GRAP2: variants seen among roughly 807,000 people sequenced by gnomAD.
The protein encoded by GRAP2 is GRB2 related adaptor protein 2.
GRAP2 carries 31 observed loss-of-function variants against 43.5 expected under a neutral mutation model. That is an observed-to-expected ratio of 0.71 (90% CI 0.54 to 0.96). The LOEUF is 0.96. Ranked by LOEUF, GRAP2 falls within the 40% of genes least tolerant of loss-of-function variation. The pLI is 0.00. For missense variants in GRAP2, 371 were observed against 424.4 expected (o/e 0.87, Z 1.11); for synonymous variants, 156 against 164.8 (o/e 0.95, Z 0.41).
intron 1 of GRAP2, among the ~76,000 whole-genome samples, chr22:39,918,809 C>T (rs761855468): frequency 7.2e-5 from 11 of 152,154 alleles, no homozygotes; most frequent in Non-Finnish European, 1.3e-4. Flanking sequence ...ATTAACAAAA[C>T]GTTGTTTAGT....
rs549139658 is a variant in GRAP2 at position 39,943,600 on chromosome 22, G to A, written c.-14-3493G>A. Among the ~76,000 whole-genome samples, 14 of 152,230 alleles carry A rather than the reference G, an allele frequency of 9.2e-5. No homozygotes were observed. In the East Asian group the frequency reaches 2.5e-3, roughly 27 times the overall value. ...GGTGGTTTGGCTGCCCCTAGAGGCT[G>A]CAGCGTCTCACACTGTATGGGCAGG... is the stretch of plus-strand genomic sequence containing the variant. On this transcript the variant is annotated intron_variant, in intron 1 of 7. Coordinates refer to ENST00000344138, the MANE Select transcript of GRAP2 (RefSeq NM_004810.4).
rs529341747 is a variant in GRAP2, at chr22:39,971,350, G to T, written c.*266G>T. ...AGGCAGTGGGGGAGTTGGGAGGGGG[G>T]CAGGGAAATGAAATGGAGTTTTGTC... On this transcript the variant is annotated 3_prime_UTR_variant, in exon 8 of 8. Transcript: ENST00000344138. The T allele has an allele frequency of 4.4e-6, 2 of 449,560 alleles. No individual in the cohort carries two copies. Among genetic ancestry groups the T allele is most frequent in the South Asian group, 3.5e-5 (1 of 28,342 alleles). 27.8% of individuals were successfully genotyped at this position (449,560 alleles called of 1,614,324 possible). A position where few individuals can be genotyped will look rare whatever the true frequency, so the allele number is the denominator to read the frequency against.
chr22:39,952,819 T>C (rs145723193), intron 2 of GRAP2, among the ~76,000 whole-genome samples: 6 of 152,240 alleles, frequency 3.9e-5, no homozygotes, highest in African/African-American at 1.2e-4. Context: ...TGGAATTGTA[T>C]TTTTTGAAAA....
chr22:39,970,271 A>T (rs998939976), intron 7 of GRAP2, among the ~76,000 whole-genome samples: 14 of 152,230 alleles, frequency 9.2e-5, no homozygotes, highest in Admixed American at 9.2e-4. Context: ...TGTAGCGATA[A>T]GCTCTTGCTA....
intron 3 of GRAP2, among the ~76,000 whole-genome samples, chr22:39,959,219 T>C (rs1403779164): frequency 6.6e-6 from 1 of 152,232 alleles, no homozygotes; most frequent in Non-Finnish European, 1.5e-5. Context: ...AGCCACAGCT[T>C]GCCTGGCCCT....
intron 1 of GRAP2, among the ~76,000 whole-genome samples, chr22:39,930,548 T>C (rs2066746382): frequency 6.6e-6 from 1 of 152,252 alleles, no homozygotes; most frequent in Non-Finnish European, 1.5e-5. Flanking sequence ...GATCTGTCAC[T>C]GTTGTAGTTC....
chr22:39,906,807 T>G (rs1459780634), intron 1 of GRAP2, among the ~76,000 whole-genome samples: 1 of 152,230 alleles, frequency 6.6e-6, no homozygotes, highest in African/African-American at 2.4e-5. Context: ...AACAAACTGC[T>G]GAGAACTCAG....
chr22:39,923,241 C>G (rs899289581), intron 1 of GRAP2, among the ~76,000 whole-genome samples: 2 of 152,130 alleles, frequency 1.3e-5, no homozygotes, highest in African/African-American at 4.8e-5. Flanking sequence ...AAATCCATCT[C>G]TCAGAAATGC....
At chr22:39,970,177 A>G (rs1057305972) in intron 7 of GRAP2, among the ~76,000 whole-genome samples, 3 of 152,116 alleles carry the variant, frequency 2.0e-5, no homozygotes, top group Admixed American at 6.5e-5. Flanking sequence ...GTGCAGTGGC[A>G]CAATCATGGC....
intron 6 of GRAP2, 111 bp downstream of exon 6, chr22:39,968,383 G>T (rs2145682450): frequency 1.5e-6 from 2 of 1,302,694 alleles, no homozygotes; most frequent in Non-Finnish European, 2.1e-6. Context: ...GAAGACCCTG[G>T]ACCCCCCCAA....
intron 1 of GRAP2, among the ~76,000 whole-genome samples, chr22:39,921,404 A>AT (rs1199932444): frequency 1.3e-5 from 2 of 152,242 alleles, no homozygotes; most frequent in Non-Finnish European, 2.9e-5. Context: ...GCTGTGCCTG[A>AT]TTCCGAATGT....
rs958088049 is a variant in GRAP2, at chr22:39,973,127, ATGC to A, written c.*2047_*2049del. On this transcript the variant is annotated 3_prime_UTR_variant, in exon 8 of 8. Coordinates refer to ENST00000344138, the MANE Select transcript of GRAP2 (RefSeq NM_004810.4). The stretch of plus-strand genomic sequence containing the variant: ...CTATTTTGGTGCTAGGTAATGTGAA[ATGC>A]TGCAGTAAATAAAAGCCATAAGTAA... 5.9e-5 allele frequency: 9 copies of A among 152,408 alleles called. No homozygotes were observed. The highest frequency in any genetic ancestry group is 2.2e-4 in the African/African-American group (9 of 41,456). The allele number at this position is 152,408 out of a possible 1,614,324, so 9.4% of individuals were successfully genotyped here.
intron 4 of GRAP2, among the ~76,000 whole-genome samples, chr22:39,962,495 C>T (rs1299695922): frequency 3.9e-5 from 6 of 152,068 alleles, no homozygotes; most frequent in African/African-American, 2.4e-5. Flanking sequence ...ATATATTTAA[C>T]ATGCGTGTAT....
At chr22:39,909,660 G>A (rs116996173) in intron 1 of GRAP2, among the ~76,000 whole-genome samples, 1,892 of 152,194 alleles carry the variant, frequency 0.012, 11 homozygotes, top group Non-Finnish European at 0.017. Flanking sequence ...TTCCCCTAAG[G>A]AATGAACAGT....
Position 39,947,195 on chromosome 22 carries a change from TG to T in GRAP2, c.78+15del. Reference sequence around the variant, plus strand: ...GGAGATGTTTTGAAGGTAGGTGACCTGGGGCCCCAGGGGAGCAGTAGGGAGT... The same window carrying T: ...GGAGATGTTTTGAAGGTAGGTGACCTGGGCCCCAGGGGAGCAGTAGGGAGT... On this transcript the variant is annotated intron_variant, in intron 2 of 7. Coordinates refer to ENST00000344138, the MANE Select transcript of GRAP2 (RefSeq NM_004810.4). The T allele has an allele frequency of 1.4e-6, 2 of 1,474,320 alleles. No individual in the cohort carries two copies. Among genetic ancestry groups the T allele is most frequent in the Non-Finnish European group, 1.9e-6 (2 of 1,052,468 alleles). 91.3% of individuals were successfully genotyped at this position (1,474,320 alleles called of 1,614,324 possible). A position where few individuals can be genotyped will look rare whatever the true frequency, so the allele number is the denominator to read the frequency against.
intron 2 of GRAP2, among the ~76,000 whole-genome samples, chr22:39,950,576 C>T (rs1569209149): frequency 6.6e-6 from 1 of 152,256 alleles, no homozygotes; most frequent in Non-Finnish European, 1.5e-5. Context: ...CGTGTGCACA[C>T]AATGCCAGGT....
chr22:39,931,941 G>A (rs2066759353), intron 1 of GRAP2, among the ~76,000 whole-genome samples: 1 of 152,094 alleles, frequency 6.6e-6, no homozygotes, highest in African/African-American at 2.4e-5. Flanking sequence ...GAAAACAGAA[G>A]GTACAACATT....
At chr22:39,964,399 A>C (rs530685978) in intron 4 of GRAP2, 6 of 785,030 alleles carry the variant, frequency 7.6e-6, no homozygotes, top group South Asian at 5.8e-5. Context: ...AGGTGGCAAG[A>C]AGAAGGCACT....
intron 7 of GRAP2, among the ~76,000 whole-genome samples, chr22:39,969,863 G>A (rs139294837): frequency 3.0e-4 from 45 of 152,264 alleles, no homozygotes; most frequent in East Asian, 9.7e-4. Flanking sequence ...GCAGTGAGCC[G>A]AGATTGCGCC....
Sources: gnomAD v4.1 joint callset for allele counts (sites outside exome capture counted in the v4.1 genomes callset) on GRCh38, gnomAD v4.1.1 for gene constraint, MANE v1.5 for transcripts, NCBI Gene and HGNC (gene_info 2026-07-23, HGNC 2026-07-21) for gene names.